LTBP3: variants seen among roughly 807,000 people sequenced by gnomAD.
LTBP3 encodes latent transforming growth factor beta binding protein 3, also known as latent-transforming growth factor beta-binding protein 3.
Under a neutral mutation model 159.7 loss-of-function variants are expected in LTBP3, and 97 were observed. The observed-to-expected ratio is 0.61, with a 90% CI of 0.52 to 0.72. LTBP3 has a LOEUF of 0.72. Among genes scored for constraint, LTBP3 ranks in the 30% least tolerant of loss-of-function variants. LTBP3 has a pLI of 0.00. For missense variants in LTBP3, 1,584 were observed against 1,864.3 expected (o/e 0.85, Z 2.77); for synonymous variants, 824 against 777.1 (o/e 1.06, Z -1.00).
At position 65,539,055 on chromosome 11, in the gene LTBP3, T is replaced by C. The variant is rs770892713; in HGVS notation, c.*25A>G. The C allele has an allele frequency of 2.8e-5, 38 of 1,357,034 alleles. No individual in the cohort carries two copies. In the Admixed American group the frequency reaches 4.4e-4, roughly 16 times the overall value. 84.1% of individuals were successfully genotyped at this position (1,357,034 alleles called of 1,614,324 possible). Reference sequence around the variant, plus strand: ...AAATCCCTCAGTGATCACCGAGGTCTGGGCCGAGGGCGGCGTCGGCGGCGT... The same window carrying C: ...AAATCCCTCAGTGATCACCGAGGTCCGGGCCGAGGGCGGCGTCGGCGGCGT... On this transcript the variant is annotated 3_prime_UTR_variant, in exon 28 of 28. Transcript: ENST00000301873.
Position 65,547,296 on chromosome 11 carries a change from A to T in LTBP3, c.2107+143T>A, listed in dbSNP as rs556274238. On this transcript the variant is annotated intron_variant, in intron 14 of 27. Transcript: ENST00000301873. The surrounding 1 kb of genome is among the most constrained non-coding windows in gnomAD (Gnocchi z 4.6). ...GAGGCGGAGGTTGCAGTGAGCCAAG[A>T]TCTCACCACCGCACTCCAGCCTGGG... 5.0e-6 allele frequency: 5 copies of T among 990,390 alleles called. No individual in the cohort carries two copies. In the African/African-American group the frequency reaches 8.2e-5, roughly 16 times the overall value. 61.4% of individuals were successfully genotyped at this position (990,390 alleles called of 1,614,324 possible).
chr11:65,550,931 A>G (rs1053930161), intron 11 of LTBP3, among the ~76,000 whole-genome samples, 195 bp downstream of exon 11: 1 of 152,250 alleles, frequency 6.6e-6, no homozygotes, highest in African/African-American at 2.4e-5. Context: ...AATCCCTCAG[A>G]ATGGGCTAAC....
rs775196615 is a variant in LTBP3, at chr11:65,547,996, G to A, written c.1770C>T (p.Cys590=). 3 of 1,613,782 alleles carry A rather than the reference G, an allele frequency of 1.9e-6. No individual in the cohort carries two copies. The highest frequency in any genetic ancestry group is 2.2e-5 in the South Asian group (2 of 91,086). The part of the protein sequence containing the change: ...LNQNICGHGE[C]VPGPPDYSCH... ...AGGAGTAGTCAGGGGGGCCCGGCACGCACTCTCCGTGGCCACAGATGTTCT... is the reference window on the plus strand; with the variant it reads ...AGGAGTAGTCAGGGGGGCCCGGCACACACTCTCCGTGGCCACAGATGTTCT... Residue 590 remains cysteine, a synonymous_variant, in exon 12 of 28, where the codon TGC becomes TGT. Transcript: ENST00000301873. This position sits in a 1 kb window ranked among gnomAD's most constrained non-coding sequence, Gnocchi z 4.6.
chr11:65,541,602 T>G lies in LTBP3; in HGVS notation c.2723A>C (p.Glu908Ala), dbSNP rs758832525. 1 of 1,614,102 alleles carries G rather than the reference T, an allele frequency of 6.2e-7. No homozygotes were observed. Among genetic ancestry groups the G allele is most frequent in the South Asian group, 1.1e-5 (1 of 91,086 alleles). ...GGAGGAGCTGGGAGGACACTCACCCTCACAACCGTGCTGGTCCTGGGTGGG... is the reference window on the plus strand; with the variant it reads ...GGAGGAGCTGGGAGGACACTCACCCGCACAACCGTGCTGGTCCTGGGTGGG... Reference protein sequence around the residue: ...FTPTQDQHGCEEVEQPHHKKE... With the variant: ...FTPTQDQHGCAEVEQPHHKKE... The change falls in exon 19 of 28, where the codon GAG becomes GCG. Residue 908 changes from glutamate (E) to alanine (A), a missense_variant and splice_region_variant. Transcript: ENST00000301873.
At chr11:65,550,865 T>G (rs1856579929) in intron 11 of LTBP3, among the ~76,000 whole-genome samples, 1 of 152,010 alleles carries the variant, frequency 6.6e-6, no homozygotes, top group South Asian at 2.1e-4. Context: ...CTGGGAAACC[T>G]GCTAGACAAA....
Position 65,539,044 on chromosome 11 carries a change from T to A in LTBP3, c.*36A>T, listed in dbSNP as rs1386182351. On this transcript the variant is annotated 3_prime_UTR_variant, in exon 28 of 28. Coordinates refer to ENST00000301873, the MANE Select transcript of LTBP3 (RefSeq NM_001130144.3). ...CGAGCTCGCGGAAATCCCTCAGTGA[T>A]CACCGAGGTCTGGGCCGAGGGCGGC... The A allele has an allele frequency of 2.5e-5, 33 of 1,340,562 alleles. No homozygotes were observed. The highest frequency in any genetic ancestry group is 1.9e-6 in the Non-Finnish European group (2 of 1,047,514). 83.0% of individuals were successfully genotyped at this position (1,340,562 alleles called of 1,614,324 possible).
rs771221280 is a variant in LTBP3, at chr11:65,552,208, T to C, written c.1345+40A>G. The C allele has an allele frequency of 6.2e-7, 1 of 1,614,142 alleles. No individual in the cohort carries two copies. Among genetic ancestry groups the C allele is most frequent in the South Asian group, 1.1e-5 (1 of 91,082 alleles). ...AGTGAGCATTTCCTGGACAGGTGCA[T>C]GGACCTATGAACCCCTATCCCCGGG... On this transcript the variant is annotated intron_variant, in intron 7 of 27. Transcript: ENST00000301873. The surrounding 1 kb of genome is among the most constrained non-coding windows in gnomAD (Gnocchi z 6.0).
At position 65,554,049 on chromosome 11, in the gene LTBP3, A is replaced by G; in HGVS notation, c.661+2T>C. 6.2e-7 allele frequency: 1 copy of G among 1,601,340 alleles called. No individual in the cohort carries two copies. The highest frequency in any genetic ancestry group is 1.1e-5 in the South Asian group (1 of 91,054). On this transcript the variant is annotated splice_donor_variant, in intron 2 of 27. Coordinates refer to ENST00000301873, the MANE Select transcript of LTBP3 (RefSeq NM_001130144.3). LOFTEE classifies it high-confidence loss of function. This position sits in a 1 kb window ranked among gnomAD's most constrained non-coding sequence, Gnocchi z 5.3. ...TTCCCGGGTTTGCCAGTTGCCTGGT[A>G]CCTTCTGCTGAGATCTGTCCCGGGC...
intron 17 of LTBP3, 23 bp from the exon 18 acceptor site, chr11:65,543,247 A>G (rs779476339): frequency 3.1e-6 from 5 of 1,613,808 alleles, no homozygotes; most frequent in Non-Finnish European, 4.2e-6. Flanking sequence ...GAAGGGGTGG[A>G]GAATCTCAGG....
Position 65,539,069 on chromosome 11 carries a change from C to A in LTBP3, c.*11G>T. On this transcript the variant is annotated 3_prime_UTR_variant, in exon 28 of 28. Coordinates refer to ENST00000301873, the MANE Select transcript of LTBP3 (RefSeq NM_001130144.3). ...TCACCGAGGTCTGGGCCGAGGGCGGCGTCGGCGGCGTCAGCGGCGGCGCTG... is the reference window on the plus strand; with the variant it reads ...TCACCGAGGTCTGGGCCGAGGGCGGAGTCGGCGGCGTCAGCGGCGGCGCTG... 2.2e-6 allele frequency: 3 copies of A among 1,368,068 alleles called. No individual in the cohort carries two copies. The highest frequency in any genetic ancestry group is 2.8e-6 in the Non-Finnish European group (3 of 1,061,862). 84.7% of individuals were successfully genotyped at this position (1,368,068 alleles called of 1,614,324 possible). A position where few individuals can be genotyped will look rare whatever the true frequency, so the allele number is the denominator to read the frequency against.
Position 65,553,904 on chromosome 11 carries a change from C to A in LTBP3, c.662-1G>T. The A allele has an allele frequency of 1.3e-6, 2 of 1,532,770 alleles. No individual in the cohort carries two copies. The highest frequency in any genetic ancestry group is 1.7e-6 in the Non-Finnish European group (2 of 1,142,870). The allele number at this position is 1,532,770 out of a possible 1,614,324, so 94.9% of individuals were successfully genotyped here. ...TTCACCACGGGGGGCGGGGCCTGCA[C>A]TGGGGGCGGGCGCGGTGGCCTCAGG... On this transcript the variant is annotated splice_acceptor_variant, in intron 2 of 27. Transcript: ENST00000301873. LOFTEE classifies it high-confidence loss of function. This position sits in a 1 kb window ranked among gnomAD's most constrained non-coding sequence, Gnocchi z 6.5.
At position 65,540,034 on chromosome 11, in the gene LTBP3, G is replaced by A. The variant is rs878853036; in HGVS notation, c.3364C>T (p.Gln1122Ter). Residue 1122 changes from glutamine to a stop codon, truncating the protein, a stop_gained, in exon 24 of 28, where the codon CAG becomes TAG. Transcript: ENST00000301873. LOFTEE classifies it high-confidence loss of function. Reference protein sequence around the residue: ...WVPGPSGRDCQLPESPAERAP... With the variant: ...WVPGPSGRDC ...TCACCGGCCGGGCTCTCGGGGAGCTGGCAATCGCGGCCGGAGGGCCCGGGC... is the reference window on the plus strand; with the variant it reads ...TCACCGGCCGGGCTCTCGGGGAGCTAGCAATCGCGGCCGGAGGGCCCGGGC... The A allele has an allele frequency of 6.0e-5, 91 of 1,514,164 alleles. No homozygotes were observed. Among genetic ancestry groups the A allele is most frequent in the Non-Finnish European group, 7.8e-5 (89 of 1,136,946 alleles). The allele number at this position is 1,514,164 out of a possible 1,614,324, so 93.8% of individuals were successfully genotyped here.
rs776745335 is a variant in LTBP3, at chr11:65,547,707, C to T, written c.1961G>A (p.Gly654Glu). 8 of 1,605,564 alleles carry T rather than the reference C, an allele frequency of 5.0e-6. No homozygotes were observed. The African/African-American group carries it at 9.4e-5, about 19-fold the overall frequency. ...GCGCTCACCCACGCACGAGCGCCCCCCGGCGCCCACGTGCAGGCGGTAGCC... is the reference window on the plus strand; with the variant it reads ...GCGCTCACCCACGCACGAGCGCCCCTCGGCGCCCACGTGCAGGCGGTAGCC... ...NRGYRLHVGAGGRSCVDLNEC... is the reference protein window; with the variant it reads ...NRGYRLHVGAEGRSCVDLNEC... Residue 654 changes from glycine to glutamate, a missense_variant, in exon 13 of 28, where the codon GGG (glycine) becomes GAG (glutamate). Physicochemically the swap from Gly to Glu is moderately conservative, Grantham distance 98. Transcript: ENST00000301873. The surrounding 1 kb of genome is among the most constrained non-coding windows in gnomAD (Gnocchi z 4.6).
Position 65,547,532 on chromosome 11 carries a change from C to T in LTBP3, c.2014G>A (p.Asp672Asn), listed in dbSNP as rs758178497. 18 of 1,613,884 alleles carry T rather than the reference C, an allele frequency of 1.1e-5. No homozygotes were observed. Among genetic ancestry groups the T allele is most frequent in the Non-Finnish European group, 1.5e-5 (18 of 1,179,956 alleles). Residue 672 changes from aspartate (D) to asparagine (N), a missense_variant, in exon 14 of 28, where the codon GAC becomes AAC. Transcript: ENST00000301873. The surrounding 1 kb of genome is among the most constrained non-coding windows in gnomAD (Gnocchi z 4.6). ...NECAKPHLCGDGGFCINFPGH... is the reference protein window; with the variant it reads ...NECAKPHLCGNGGFCINFPGH... ...GGAAAGTTGATGCAGAAGCCGCCGT[C>T]GCCGCACAGGTGGGGCTTGGCGCAT...
In LTBP3 at chr11:65,552,515, C is replaced by A; in HGVS notation, c.1187-109G>T. 7.2e-7 allele frequency: 1 copy of A among 1,392,978 alleles called. No homozygotes were observed. The highest frequency in any genetic ancestry group is 2.4e-5 in the East Asian group (1 of 41,156). The allele number at this position is 1,392,978 out of a possible 1,614,324, so 86.3% of individuals were successfully genotyped here. On this transcript the variant is annotated intron_variant, in intron 6 of 27. Transcript: ENST00000301873. This position sits in a 1 kb window ranked among gnomAD's most constrained non-coding sequence, Gnocchi z 6.0. ...TCCGGCCCAGACAACCCTTGATCCCCCATGTGGTCTCTGACCCCATATGAC... is the reference window on the plus strand; with the variant it reads ...TCCGGCCCAGACAACCCTTGATCCCACATGTGGTCTCTGACCCCATATGAC...
intron 16 of LTBP3, chr11:65,545,478 G>A (rs1856324056): frequency 4.3e-6 from 1 of 232,284 alleles, no homozygotes; most frequent in Non-Finnish European, 8.5e-6. Context: ...CACGCATGAG[G>A]ACCCATTCCC....
At chr11:65,548,208 A>C in intron 11 of LTBP3, 163 bp from the exon 12 acceptor site, 2 of 1,016,828 alleles carry the variant, frequency 2.0e-6, no homozygotes, top group Non-Finnish European at 2.9e-6. Flanking sequence ...TAACCCCAAT[A>C]TCAAGACCCC....
rs746216693 is a variant in LTBP3, at chr11:65,553,710, G to C, written c.855C>G (p.Pro285=). 1.3e-6 allele frequency: 2 copies of C among 1,577,292 alleles called. No individual in the cohort carries two copies. The highest frequency in any genetic ancestry group is 2.3e-5 in the South Asian group (2 of 87,798). The part of the protein sequence containing the change: ...PLGRCFQDTL[P]KQPCGSNPLP... ...CTGTGGATTCACTCACCGGCTGCTT[G>C]GGCAGAGTGTCCTGAAAGCAGCGGC... is the stretch of plus-strand genomic sequence containing the variant. The change falls in exon 3 of 28, where the codon CCC becomes CCG. Residue 285 remains proline, a synonymous_variant. Coordinates refer to ENST00000301873, the MANE Select transcript of LTBP3 (RefSeq NM_001130144.3). This position sits in a 1 kb window ranked among gnomAD's most constrained non-coding sequence, Gnocchi z 6.5.
In LTBP3 at chr11:65,552,848, C is replaced by G; in HGVS notation, c.1186+12G>C. 1.2e-6 allele frequency: 2 copies of G among 1,614,120 alleles called. No individual in the cohort carries two copies. The highest frequency in any genetic ancestry group is 1.7e-6 in the Non-Finnish European group (2 of 1,180,006). On this transcript the variant is annotated intron_variant, in intron 6 of 27. Transcript: ENST00000301873. The surrounding 1 kb of genome is among the most constrained non-coding windows in gnomAD (Gnocchi z 6.0). Reference sequence around the variant, plus strand: ...CTTGTGACCTCCCAGGAACCTGAGCCCCAGGTCTCACCAATGCACTGTGTA... The same window carrying G: ...CTTGTGACCTCCCAGGAACCTGAGCGCCAGGTCTCACCAATGCACTGTGTA...
Sources: allele counts gnomAD v4.1 joint callset (sites outside exome capture counted in the v4.1 genomes callset), GRCh38; gene constraint gnomAD v4.1.1; non-coding constraint Gnocchi (gnomAD v3.1); transcripts MANE v1.5; gene names NCBI Gene and HGNC (gene_info 2026-07-23, HGNC 2026-07-21).